BNC2: variants seen among roughly 807,000 people sequenced by gnomAD.
BNC2 encodes zinc finger protein basonuclin-2.
A neutral mutation model predicts 76.3 loss-of-function variants in BNC2; 20 were observed. The observed-to-expected ratio is 0.26, with a 90% confidence interval of 0.18 to 0.38. The LOEUF (loss-of-function observed/expected upper bound fraction) is 0.38, where lower values mean the gene tolerates loss of function less well. Ranked by LOEUF, BNC2 falls within the 10% of genes least tolerant of loss-of-function variation. The pLI, the probability that BNC2 is intolerant of heterozygous loss-of-function variation, is 1.00. For synonymous variants in BNC2, 582 were observed against 514.8 expected, an observed-to-expected ratio of 1.13 and a Z score of -1.77; for missense variants, 1,382 against 1,399.8, an observed-to-expected ratio of 0.99 and a Z score of 0.20.
chr9:16,588,548 A>G (rs1819835590), intron 3 of BNC2, among the ~76,000 whole-genome samples: 1 of 152,190 alleles, frequency 6.6e-6, no homozygotes, highest in Non-Finnish European at 1.5e-5. Flanking sequence ...CATTACCTGT[A>G]GAAAACTAAA....
At chr9:16,663,661 A>G (rs1822180603) in intron 3 of BNC2, among the ~76,000 whole-genome samples, 1 of 152,204 alleles carries the variant, frequency 6.6e-6, no homozygotes, top group South Asian at 2.1e-4. Context: ...AACACAAAAG[A>G]GCATTTCAAA....
intron 1 of BNC2, among the ~76,000 whole-genome samples, chr9:16,869,098 T>G (rs1053276390): frequency 2.0e-5 from 3 of 152,200 alleles, no homozygotes; most frequent in Admixed American, 1.3e-4. Context: ...GCTTTTACAG[T>G]GTTCTTGTGT....
chr9:16,614,324 C>T (rs1179784808), intron 3 of BNC2, among the ~76,000 whole-genome samples: 1 of 152,052 alleles, frequency 6.6e-6, no homozygotes, highest in Non-Finnish European at 1.5e-5. Flanking sequence ...TTACTCATCA[C>T]AGCCTCCAAA....
chr9:16,672,090 T>G (rs1042914617), intron 3 of BNC2, among the ~76,000 whole-genome samples: 1 of 152,232 alleles, frequency 6.6e-6, no homozygotes, highest in African/African-American at 2.4e-5. Flanking sequence ...GGGGTGTTGC[T>G]ATGGCATCAC....
chr9:16,549,857 A>G (rs1437380925), intron 5 of BNC2, among the ~76,000 whole-genome samples: 1 of 152,174 alleles, frequency 6.6e-6, no homozygotes, highest in Non-Finnish European at 1.5e-5. Flanking sequence ...TATTACATCA[A>G]TTCTACCAAT....
At chr9:16,781,296 C>CA (rs1285163374) in intron 1 of BNC2, among the ~76,000 whole-genome samples, 5 of 148,504 alleles carry the variant, frequency 3.4e-5, no homozygotes, top group Admixed American at 1.3e-4. Context: ...TGCATACCTA[C>CA]AAAAAAAAGC....
At chr9:16,525,088 G>C (rs566601548) in intron 5 of BNC2, among the ~76,000 whole-genome samples, 1 of 150,244 alleles carries the variant, frequency 6.7e-6, no homozygotes, top group South Asian at 2.1e-4. Context: ...GGGGGGGGAA[G>C]GAGATTGAAA....
chr9:16,519,963 G>A (rs1347824471), intron 5 of BNC2, among the ~76,000 whole-genome samples: 2 of 152,098 alleles, frequency 1.3e-5, no homozygotes, highest in African/African-American at 2.4e-5. Flanking sequence ...TAGTTCCTGG[G>A]ACCAAACATG....
At chr9:16,831,893 T>C (rs978557887) in intron 1 of BNC2, among the ~76,000 whole-genome samples, 15 of 152,212 alleles carry the variant, frequency 9.9e-5, no homozygotes, top group African/African-American at 3.1e-4. Context: ...GGTTATAACA[T>C]GCACAGGCTA....
intron 1 of BNC2, among the ~76,000 whole-genome samples, chr9:16,774,320 G>A (rs905750905): frequency 6.6e-6 from 1 of 152,102 alleles, no homozygotes; most frequent in African/African-American, 2.4e-5. Context: ...ACTACTATTC[G>A]TTACATCTGA....
At chr9:16,481,671 C>T (rs540466575) in intron 5 of BNC2, among the ~76,000 whole-genome samples, 36 of 152,276 alleles carry the variant, frequency 2.4e-4, no homozygotes, top group African/African-American at 8.7e-4. Flanking sequence ...ATTTCAGAAA[C>T]TGAAGCAATG....
chr9:16,684,779 G>C (rs1822927497), intron 3 of BNC2, among the ~76,000 whole-genome samples: 1 of 151,896 alleles, frequency 6.6e-6, no homozygotes, highest in Admixed American at 6.6e-5. Context: ...TATGTACATA[G>C]AAATGGAGGC....
chr9:16,637,732 G>A (rs1005290254), intron 3 of BNC2, among the ~76,000 whole-genome samples: 2 of 152,192 alleles, frequency 1.3e-5, no homozygotes, highest in African/African-American at 4.8e-5. Flanking sequence ...CCTCACCTGG[G>A]TGAGGAGAGT....
intron 1 of BNC2, among the ~76,000 whole-genome samples, chr9:16,835,343 T>C (rs1818682247): frequency 1.3e-5 from 2 of 152,202 alleles, no homozygotes; most frequent in Non-Finnish European, 2.9e-5. Context: ...CCCCATGAGT[T>C]AGGTACCATT....
chr9:16,418,758 C>A lies in BNC2; in HGVS notation c.*231G>T. The A allele has an allele frequency of 1.8e-6, 1 of 549,502 alleles. No individual in the cohort carries two copies. Among genetic ancestry groups the A allele is most frequent in the Non-Finnish European group, 3.2e-6 (1 of 308,632 alleles). 34.0% of individuals were successfully genotyped at this position (549,502 alleles called of 1,614,324 possible). A position where few individuals can be genotyped will look rare whatever the true frequency, so the allele number is the denominator to read the frequency against. ...TTTCACCCTGAAATCAAAGATCCCA[C>A]TCCTTTCCCAAAACTATAAAGGGAA... On this transcript the variant is annotated 3_prime_UTR_variant, in exon 7 of 7. Coordinates refer to ENST00000380672, the MANE Select transcript of BNC2 (RefSeq NM_017637.6).
At chr9:16,534,002 C>T (rs745801567) in intron 5 of BNC2, among the ~76,000 whole-genome samples, 75 of 152,130 alleles carry the variant, frequency 4.9e-4, no homozygotes, top group Admixed American at 1.1e-3. Context: ...AAAACATCCA[C>T]GTCTACCTAA....
At chr9:16,819,401 G>A (rs746065539) in intron 1 of BNC2, among the ~76,000 whole-genome samples, 10 of 152,166 alleles carry the variant, frequency 6.6e-5, no homozygotes, top group Non-Finnish European at 1.2e-4. Context: ...AATGGCTCAT[G>A]CCTGTAATCC....
intron 5 of BNC2, among the ~76,000 whole-genome samples, chr9:16,520,652 CA>C (rs1218814299): frequency 6.6e-6 from 1 of 152,162 alleles, no homozygotes; most frequent in East Asian, 1.9e-4. Context: ...CCCAGCAGCC[CA>C]ATCTAAGTAA....
intron 3 of BNC2, among the ~76,000 whole-genome samples, chr9:16,648,925 A>T (rs1342126470): frequency 6.6e-6 from 1 of 152,256 alleles, no homozygotes; most frequent in African/African-American, 2.4e-5. Flanking sequence ...ATAAAAATAT[A>T]GTTTGAGTCA....
Sources: allele counts gnomAD v4.1 joint callset (sites outside exome capture counted in the v4.1 genomes callset), GRCh38; gene constraint gnomAD v4.1.1; transcripts MANE v1.5; gene names NCBI Gene and HGNC (gene_info 2026-07-23, HGNC 2026-07-21).